Variants in SPOCK3 observed in about 807,000 individuals in gnomAD.
The protein encoded by SPOCK3 is testican-3.
A neutral mutation model predicts 56.6 loss-of-function variants in SPOCK3; 30 were observed. That is an observed-to-expected ratio of 0.53 (90% confidence interval 0.40 to 0.72). SPOCK3 has a LOEUF of 0.72. Ranked by LOEUF, SPOCK3 falls within the 30% of genes least tolerant of loss-of-function variation. SPOCK3 has a pLI of 0.00. For synonymous variants in SPOCK3, 196 were observed against 183.3 expected (o/e 1.07, Z -0.56); for missense variants, 527 against 530.0 (o/e 0.99, Z 0.06).
chr4:167,074,955 T>G (rs972988700), intron 2 of SPOCK3, among the ~76,000 whole-genome samples: 1 of 152,084 alleles, frequency 6.6e-6, no homozygotes, highest in Admixed American at 6.6e-5. Flanking sequence ...TCAGGGAAAT[T>G]GAAATATCCA....
chr4:166,927,162 A>G, intron 4 of SPOCK3, among the ~76,000 whole-genome samples: 1 of 152,236 alleles, frequency 6.6e-6, no homozygotes, highest in South Asian at 2.1e-4. Context: ...ATAATACTTT[A>G]CAACCTGACT....
Position 166,912,762 on chromosome 4 carries a change from AAGCATATTG to A in SPOCK3, c.351-28_351-20del. 6.3e-7 allele frequency: 1 copy of A among 1,584,648 alleles called. No homozygotes were observed. Among genetic ancestry groups the A allele is most frequent in the East Asian group, 2.3e-5 (1 of 44,126 alleles). ...TTTCATCCTGTTAAAAAAATAAAGCAAGCATATTGAGCATATTTATTTTAAAATATACAT... is the reference window on the plus strand; with the variant it reads ...TTTCATCCTGTTAAAAAAATAAAGCAAGCATATTTATTTTAAAATATACAT... On this transcript the variant is annotated intron_variant, in intron 4 of 10. Coordinates refer to ENST00000357545, the MANE Select transcript of SPOCK3 (RefSeq NM_001040159.2).
chr4:166,823,057 C>G, intron 6 of SPOCK3, among the ~76,000 whole-genome samples: 1 of 152,032 alleles, frequency 6.6e-6, no homozygotes, highest in East Asian at 1.9e-4. Flanking sequence ...CATTCCTTCC[C>G]AAGAGTTCAC....
chr4:167,194,935 T>A (rs1041441636), intron 2 of SPOCK3, among the ~76,000 whole-genome samples: 1 of 152,190 alleles, frequency 6.6e-6, no homozygotes, highest in African/African-American at 2.4e-5. Context: ...GATACCTGTG[T>A]TGGCAGTACT....
intron 2 of SPOCK3, among the ~76,000 whole-genome samples, chr4:167,098,996 A>C (rs537454052): frequency 3.4e-4 from 52 of 152,140 alleles, no homozygotes; most frequent in African/African-American, 1.3e-3. Flanking sequence ...TTATGCACCT[A>C]GAAGGAAGGG....
intron 2 of SPOCK3, among the ~76,000 whole-genome samples, chr4:167,154,521 T>C (rs756994738): frequency 1.3e-5 from 2 of 152,164 alleles, no homozygotes; most frequent in African/African-American, 4.8e-5. Context: ...TCTCAGTTCC[T>C]ATGCAGCTGT....
intron 6 of SPOCK3, among the ~76,000 whole-genome samples, chr4:166,874,564 G>T (rs1732881315): frequency 2.0e-5 from 3 of 152,158 alleles, no homozygotes; most frequent in Admixed American, 6.5e-5. Flanking sequence ...GAATTAGCAT[G>T]TAATTGCTAA....
intron 2 of SPOCK3, among the ~76,000 whole-genome samples, chr4:167,143,683 G>A (rs560612741): frequency 3.0e-4 from 45 of 151,876 alleles, no homozygotes; most frequent in African/African-American, 7.5e-4. Context: ...CAAAAAATAC[G>A]GTTTAAAAAA....
chr4:167,061,022 A>C (rs1755549871), intron 3 of SPOCK3, among the ~76,000 whole-genome samples: 1 of 152,052 alleles, frequency 6.6e-6, no homozygotes, highest in Non-Finnish European at 1.5e-5. Context: ...TAATATTTTT[A>C]AGTTAGTAGG....
chr4:167,038,562 G>A (rs1285140320), intron 3 of SPOCK3, among the ~76,000 whole-genome samples: 1 of 151,098 alleles, frequency 6.6e-6, no homozygotes, highest in African/African-American at 2.4e-5. Context: ...GGCTCTAATT[G>A]GTCAGATCTG....
intron 2 of SPOCK3, among the ~76,000 whole-genome samples, chr4:167,203,999 T>C (rs970326405): frequency 1.3e-5 from 2 of 152,112 alleles, no homozygotes; most frequent in Non-Finnish European, 2.9e-5. Flanking sequence ...GTGATAGTTA[T>C]AGAACCTCTA....
At chr4:167,068,604 A>T (rs1199144622) in intron 2 of SPOCK3, among the ~76,000 whole-genome samples, 5 of 151,840 alleles carry the variant, frequency 3.3e-5, no homozygotes, top group Non-Finnish European at 5.9e-5. Context: ...CAGATTTTTG[A>T]TCATTCCATT....
In SPOCK3 at chr4:166,981,379, C is replaced by T. The variant is rs142218128; in HGVS notation, c.350+18970G>A. Reference sequence around the variant, plus strand: ...AACTGGAGTGAGTAGCTCCTTTCTGCGGGCAGGAGATCCCAATGAGTGTCC... The same window carrying T: ...AACTGGAGTGAGTAGCTCCTTTCTGTGGGCAGGAGATCCCAATGAGTGTCC... On this transcript the variant is annotated intron_variant, in intron 4 of 10. Transcript: ENST00000357545. Among the ~76,000 whole-genome samples the T allele has an allele frequency of 6.3e-3, 958 of 151,582 alleles. 9 individuals carry two copies. Among genetic ancestry groups the T allele is most frequent in the Non-Finnish European group, 8.6e-3 (584 of 67,876 alleles).
chr4:167,031,408 C>A (rs1465445571), intron 3 of SPOCK3, among the ~76,000 whole-genome samples: 1 of 151,936 alleles, frequency 6.6e-6, no homozygotes, highest in African/African-American at 2.4e-5. Context: ...TACTAAAATA[C>A]TTTATTCCCT....
At chr4:167,141,116 G>A (rs575271856) in intron 2 of SPOCK3, among the ~76,000 whole-genome samples, 6 of 152,068 alleles carry the variant, frequency 3.9e-5, no homozygotes, top group Non-Finnish European at 5.9e-5. Context: ...CTTGCTTAAG[G>A]TGATAAGTCC....
intron 5 of SPOCK3, among the ~76,000 whole-genome samples, chr4:166,890,301 A>G (rs1002593232): frequency 6.6e-6 from 1 of 151,840 alleles, no homozygotes; most frequent in Non-Finnish European, 1.5e-5. Flanking sequence ...ACCATCTCCT[A>G]AAAGTAACAT....
At chr4:166,842,595 T>A (rs1178811557) in intron 6 of SPOCK3, among the ~76,000 whole-genome samples, 2 of 152,092 alleles carry the variant, frequency 1.3e-5, no homozygotes, top group African/African-American at 4.8e-5. Context: ...GTATTTACAA[T>A]CCTTAACTAG....
At chr4:166,736,624 A>T (rs12501700) in intron 10 of SPOCK3, among the ~76,000 whole-genome samples, 49,424 of 151,918 alleles carry the variant, frequency 0.33, 8,238 homozygotes, top group Admixed American at 0.42. Flanking sequence ...AATATTTTCT[A>T]AAATGCAAGA....
intron 6 of SPOCK3, among the ~76,000 whole-genome samples, chr4:166,862,775 G>T (rs915161356): frequency 2.0e-5 from 3 of 151,844 alleles, no homozygotes; most frequent in African/African-American, 7.3e-5. Context: ...CTTTCAACAA[G>T]CATTTACTAT....
Sources: allele counts gnomAD v4.1 joint callset (sites outside exome capture counted in the v4.1 genomes callset), GRCh38; gene constraint gnomAD v4.1.1; transcripts MANE v1.5; gene names NCBI Gene and HGNC (gene_info 2026-07-23, HGNC 2026-07-21).